The following ADAMTS3 variants were observed in gnomAD, a reference collection of about 807,000 sequenced individuals.
The protein encoded by ADAMTS3 is ADAM metallopeptidase with thrombospondin type 1 motif 3.
In ADAMTS3, 73 loss-of-function variants were observed where a neutral mutation model predicts 129.0. The ratio of observed to expected loss-of-function variants is 0.57; its 90% confidence interval spans 0.47 to 0.69. The LOEUF (loss-of-function observed/expected upper bound fraction) is 0.69, where lower values mean the gene tolerates loss of function less well. ADAMTS3 is among the 30% of genes least tolerant of loss of function. The pLI is 0.00. For synonymous variants in ADAMTS3, 477 were observed against 510.8 expected (o/e 0.93, Z 0.89); for missense variants, 1,457 against 1,514.5 (o/e 0.96, Z 0.63).
intron 21 of ADAMTS3, among the ~76,000 whole-genome samples, chr4:72,285,536 A>C (rs972389804): frequency 5.3e-5 from 8 of 152,064 alleles, no homozygotes; most frequent in African/African-American, 1.7e-4. Flanking sequence ...CCCTCTTAGA[A>C]GTACGACCTG....
chr4:72,295,953 A>G (rs1718795487), intron 18 of ADAMTS3, among the ~76,000 whole-genome samples, 167 bp from the exon 19 acceptor site: 1 of 152,116 alleles, frequency 6.6e-6, no homozygotes, highest in Non-Finnish European at 1.5e-5. Context: ...AGAACATTAA[A>G]TAAACAAAAA....
At chr4:72,462,332 T>C (rs1718791661) in intron 3 of ADAMTS3, among the ~76,000 whole-genome samples, 1 of 151,968 alleles carries the variant, frequency 6.6e-6, no homozygotes, top group African/African-American at 2.4e-5. Context: ...AGAAAGATGA[T>C]TTATACTTGC....
intron 3 of ADAMTS3, among the ~76,000 whole-genome samples, chr4:72,495,373 T>A (rs1041215359): frequency 7.2e-5 from 11 of 152,090 alleles, no homozygotes; most frequent in African/African-American, 2.4e-4. Context: ...GGGAAGAAGG[T>A]GCAGCTGTGG....
At chr4:72,457,458 A>G (rs1237826812) in intron 3 of ADAMTS3, among the ~76,000 whole-genome samples, 3 of 151,830 alleles carry the variant, frequency 2.0e-5, no homozygotes, top group Middle Eastern at 3.4e-3. Flanking sequence ...TGAACTAGTT[A>G]CATTTTTAGA....
chr4:72,406,601 T>C (rs1722059124), intron 4 of ADAMTS3, among the ~76,000 whole-genome samples: 4 of 152,148 alleles, frequency 2.6e-5, no homozygotes, highest in African/African-American at 7.2e-5. Context: ...TTAGTGTAGT[T>C]GTCATTAGGT....
At chr4:72,290,287 G>A (rs1315770758) in intron 20 of ADAMTS3, among the ~76,000 whole-genome samples, 1 of 151,902 alleles carries the variant, frequency 6.6e-6, no homozygotes, top group African/African-American at 2.4e-5. Context: ...GTAAAGTTAA[G>A]TTGTACTGCA....
rs376716060 is a variant in ADAMTS3 at position 72,555,738 on chromosome 4, C to T, written c.98-6854G>A. 2.6e-4 allele frequency among the ~76,000 whole-genome samples: 39 copies of T among 151,718 alleles called. 1 individual carries two copies. The highest frequency in any genetic ancestry group is 1.7e-3 in the East Asian group (9 of 5,166). On this transcript the variant is annotated intron_variant, in intron 2 of 21. Transcript: ENST00000286657. ...ATCTCATGTCAAATTGTAATCTCCACGTGTTAGAGGAGGAGCCTGGTGGGG... is the reference window on the plus strand; with the variant it reads ...ATCTCATGTCAAATTGTAATCTCCATGTGTTAGAGGAGGAGCCTGGTGGGG...
At chr4:72,545,406 G>C (rs1721439932) in intron 3 of ADAMTS3, among the ~76,000 whole-genome samples, 1 of 152,046 alleles carries the variant, frequency 6.6e-6, no homozygotes, top group Non-Finnish European at 1.5e-5. Context: ...AGCTCTCAAG[G>C]GGCCACTGCT....
At chr4:72,449,419 C>T (rs1010992984) in intron 3 of ADAMTS3, among the ~76,000 whole-genome samples, 6 of 151,646 alleles carry the variant, frequency 4.0e-5, no homozygotes, top group Non-Finnish European at 7.4e-5. Context: ...CAAATCCAGG[C>T]ATTATCATTG....
At chr4:72,542,473 A>T (rs919411884) in intron 3 of ADAMTS3, among the ~76,000 whole-genome samples, 35 of 152,268 alleles carry the variant, frequency 2.3e-4, no homozygotes, top group African/African-American at 8.4e-4. Flanking sequence ...CCCTGTTATC[A>T]TTATTTTATT....
intron 4 of ADAMTS3, among the ~76,000 whole-genome samples, chr4:72,366,031 C>T (rs1720860705): frequency 6.6e-6 from 1 of 152,154 alleles, no homozygotes; most frequent in Non-Finnish European, 1.5e-5. Context: ...TCACACAGTG[C>T]TTATAAGCTT....
chr4:72,384,188 T>C (rs1008973471), intron 4 of ADAMTS3, among the ~76,000 whole-genome samples: 8 of 152,098 alleles, frequency 5.3e-5, no homozygotes, highest in Non-Finnish European at 1.0e-4. Flanking sequence ...TACCCAAAGG[T>C]ATGACATACA....
At chr4:72,524,232 G>A (rs1227688595) in intron 3 of ADAMTS3, among the ~76,000 whole-genome samples, 1 of 152,060 alleles carries the variant, frequency 6.6e-6, no homozygotes, top group African/African-American at 2.4e-5. Context: ...AGAATTATGG[G>A]AAGGGAGGAA....
intron 3 of ADAMTS3, among the ~76,000 whole-genome samples, chr4:72,469,803 T>C (rs918004979): frequency 1.3e-5 from 2 of 152,172 alleles, no homozygotes; most frequent in Non-Finnish European, 2.9e-5. Flanking sequence ...GAATAATAAA[T>C]ACATTTTCCC....
chr4:72,460,082 A>C (rs943295749), intron 3 of ADAMTS3, among the ~76,000 whole-genome samples: 12 of 151,498 alleles, frequency 7.9e-5, no homozygotes, highest in Non-Finnish European at 1.5e-4. Context: ...CCTGCACTAC[A>C]TATTTAGAAA....
At chr4:72,519,169 A>G (rs1720585296) in intron 3 of ADAMTS3, among the ~76,000 whole-genome samples, 1 of 151,930 alleles carries the variant, frequency 6.6e-6, no homozygotes, top group South Asian at 2.1e-4. Context: ...ATTGGCCCCC[A>G]CTCTCTTCTG....
chr4:72,353,697 A>G (rs1181005368), intron 4 of ADAMTS3, among the ~76,000 whole-genome samples: 2 of 152,044 alleles, frequency 1.3e-5, no homozygotes, highest in African/African-American at 4.8e-5. Context: ...TTTAATGTAC[A>G]CTTAAATCTT....
chr4:72,504,853 A>G (rs933425591), intron 3 of ADAMTS3, among the ~76,000 whole-genome samples: 1 of 152,282 alleles, frequency 6.6e-6, no homozygotes, highest in African/African-American at 2.4e-5. Context: ...TGGTAAAGCT[A>G]CTTATAAAGT....
At chr4:72,522,211 C>A (rs568546380) in intron 3 of ADAMTS3, among the ~76,000 whole-genome samples, 1 of 152,132 alleles carries the variant, frequency 6.6e-6, no homozygotes, top group Admixed American at 6.5e-5. Flanking sequence ...GACTGAAAAC[C>A]TTTCCTCCCA....
Sources: allele counts gnomAD v4.1 joint callset (sites outside exome capture counted in the v4.1 genomes callset), GRCh38; gene constraint gnomAD v4.1.1; transcripts MANE v1.5; gene names NCBI Gene and HGNC (gene_info 2026-07-23, HGNC 2026-07-21).